YAE1: variants seen among roughly 807,000 people sequenced by gnomAD.
The protein encoded by YAE1 is protein YAE1 homolog.
Under a neutral mutation model 23.0 loss-of-function variants are expected in YAE1, and 22 were observed. The observed-to-expected ratio is 0.96, with a 90% CI of 0.68 to 1.37. YAE1 has a LOEUF of 1.37. Ranked by LOEUF, YAE1 falls within the 40% of genes most tolerant of loss-of-function variation. The pLI, the probability that YAE1 is intolerant of heterozygous loss-of-function variation, is 0.00. For missense variants in YAE1, 260 were observed against 262.1 expected (o/e 0.99, Z 0.06); for synonymous variants, 101 against 97.0 (o/e 1.04, Z -0.24).
chr7:39,580,061 G>A (rs1289863746), intron 2 of YAE1, among the ~76,000 whole-genome samples: 4 of 152,044 alleles, frequency 2.6e-5, no homozygotes, highest in African/African-American at 7.3e-5. Context: ...AACAAAAAAA[G>A]CATAATAACC....
chr7:39,569,503 C>T (rs1790531907), intron 1 of YAE1: 2 of 497,646 alleles, frequency 4.0e-6, no homozygotes, highest in East Asian at 1.0e-4. Context: ...TGTTCTTCCT[C>T]CAGTTTTTTC....
chr7:39,577,594 C>T (rs533480309), downstream of YAE1, among the ~76,000 whole-genome samples: 6 of 152,300 alleles, frequency 3.9e-5, no homozygotes, highest in South Asian at 2.1e-4. Context: ...GCCAGCCTGC[C>T]GGCACTGCGC....
chr7:39,575,553 AGAGAGAGAGAGAGAGAGAGAGAGAGT>A (rs796953459), downstream of YAE1, among the ~76,000 whole-genome samples: 3,567 of 134,852 alleles, frequency 0.026, 147 homozygotes, highest in African/African-American at 0.1. Flanking sequence ...AGAGAGAGAG[AGAGAGAGAGAGAGAGAGAGAGAGAGT>A]GAGTGTGTGT....
chr7:39,603,950 T>C (rs1305698673), intron 2 of YAE1, among the ~76,000 whole-genome samples: 1 of 152,210 alleles, frequency 6.6e-6, no homozygotes, highest in Non-Finnish European at 1.5e-5. Context: ...TTTTGGTATG[T>C]TCAAGGGCAG....
chr7:39,602,327 A>G lies in YAE1; in HGVS notation c.252-7290A>G, dbSNP rs140328694. ...CAGCCGATAGACTGCTGAAACAAAC[A>G]CAGTAACACAATGTGGCTTCCTTAA... On this transcript the variant is annotated intron_variant, in intron 2 of 2. Coordinates refer to the YAE1 transcript ENST00000432096. Among the ~76,000 whole-genome samples the G allele has an allele frequency of 9.6e-4, 146 of 152,350 alleles. 2 individuals carry two copies. The East Asian group carries it at 0.025, about 27-fold the overall frequency.
chr7:39,606,896 G>A lies in YAE1; in HGVS notation c.252-2721G>A, dbSNP rs1213570112. ...GTTTCAGGGTGATTTGCATAGAGTTGCCTACTGTCATTATTTTGAGTCTTT... is the reference window on the plus strand; with the variant it reads ...GTTTCAGGGTGATTTGCATAGAGTTACCTACTGTCATTATTTTGAGTCTTT... On this transcript the variant is annotated intron_variant, in intron 2 of 2. Transcript: ENST00000432096. Among the ~76,000 whole-genome samples, 3 of 152,144 alleles carry A rather than the reference G, an allele frequency of 2.0e-5. No homozygotes were observed. In the East Asian group the frequency reaches 5.8e-4, roughly 29 times the overall value.
intron 1 of YAE1, 131 bp downstream of exon 1, chr7:39,566,678 C>A: frequency 8.0e-7 from 1 of 1,253,872 alleles, no homozygotes; most frequent in Non-Finnish European, 1.1e-6. Context: ...CCGGTCCGAC[C>A]CGCGTCTTGC....
At chr7:39,607,386 C>T (rs966234583) in intron 2 of YAE1, among the ~76,000 whole-genome samples, 5 of 152,060 alleles carry the variant, frequency 3.3e-5, no homozygotes, top group South Asian at 2.1e-4. Context: ...CCCTTAAAAG[C>T]GGAAGAGGGA....
chr7:39,610,064 AG>A, exon 3 of YAE1: 1 of 1,441,000 alleles, frequency 6.9e-7, no homozygotes. Flanking sequence ...CCAGTGCTGC[AG>A]GTTTCTCCTG....
At chr7:39,568,545 A>T (rs1008413025) in intron 1 of YAE1, among the ~76,000 whole-genome samples, 2 of 152,208 alleles carry the variant, frequency 1.3e-5, no homozygotes, top group Admixed American at 6.5e-5. Flanking sequence ...AGAATGATTT[A>T]AAATCTGAAA....
rs764290287 is a variant in YAE1 at position 39,570,499 on chromosome 7, T to A, written c.130-7T>A. 1.9e-6 allele frequency: 3 copies of A among 1,607,738 alleles called. No homozygotes were observed. Among genetic ancestry groups the A allele is most frequent in the South Asian group, 2.2e-5 (2 of 89,238 alleles). ...TACAGCTGCACTTCTCCATTACTTA[T>A]TTTTAGGAAGGTTATAGAGATGGAA... is the stretch of plus-strand genomic sequence containing the variant. On this transcript the variant is annotated splice_region_variant and splice_polypyrimidine_tract_variant and intron_variant, in intron 1 of 2. Transcript: ENST00000223273.
intron 1 of YAE1, among the ~76,000 whole-genome samples, chr7:39,568,977 TC>T (rs1019832833): frequency 6.6e-6 from 1 of 152,210 alleles, no homozygotes; most frequent in Non-Finnish European, 1.5e-5. Flanking sequence ...GGAAATACTT[TC>T]CTTTTTTCAC....
At chr7:39,586,940 A>G (rs1790826491) in intron 2 of YAE1, among the ~76,000 whole-genome samples, 1 of 152,242 alleles carries the variant, frequency 6.6e-6, no homozygotes, top group Non-Finnish European at 1.5e-5. Context: ...GTGAAATACA[A>G]AGGGGTTTCT....
chr7:39,601,568 T>C (rs905021156), intron 2 of YAE1, among the ~76,000 whole-genome samples: 2 of 152,088 alleles, frequency 1.3e-5, no homozygotes, highest in African/African-American at 4.8e-5. Flanking sequence ...GAGATCAGCT[T>C]GGCCAACATG....
At chr7:39,607,387 G>A (rs974644996) in intron 2 of YAE1, among the ~76,000 whole-genome samples, 4 of 152,184 alleles carry the variant, frequency 2.6e-5, no homozygotes, top group African/African-American at 4.8e-5. Flanking sequence ...CCTTAAAAGC[G>A]GAAGAGGGAA....
intron 2 of YAE1, among the ~76,000 whole-genome samples, chr7:39,607,051 A>G (rs1311491233): frequency 6.6e-6 from 1 of 152,200 alleles, no homozygotes; most frequent in Admixed American, 6.5e-5. Flanking sequence ...CTCATACTCT[A>G]TGAAAATGTC....
intron 2 of YAE1, among the ~76,000 whole-genome samples, chr7:39,600,507 C>G (rs1013699513): frequency 6.6e-5 from 10 of 152,168 alleles, no homozygotes; most frequent in Admixed American, 5.9e-4. Flanking sequence ...AAGCGATTCT[C>G]CTGCCTCAGC....
At chr7:39,609,626 G>C (rs973067573) in exon 3 of YAE1, 1 of 1,534,502 alleles carries the variant, frequency 6.5e-7, no homozygotes, top group Non-Finnish European at 8.7e-7. Context: ...GGAACTCAAC[G>C]GATTGGAGCC....
At chr7:39,588,036 A>G (rs1372780536) in intron 2 of YAE1, among the ~76,000 whole-genome samples, 5 of 152,204 alleles carry the variant, frequency 3.3e-5, no homozygotes, top group Non-Finnish European at 7.3e-5. Flanking sequence ...TGTTAATAAC[A>G]GTCGCTCCCA....
Sources: allele counts gnomAD v4.1 joint callset (sites outside exome capture counted in the v4.1 genomes callset), GRCh38; gene constraint gnomAD v4.1.1; transcripts MANE v1.5; gene names NCBI Gene and HGNC (gene_info 2026-07-23, HGNC 2026-07-21).